TGFBI: variants seen among roughly 807,000 people sequenced by gnomAD.
The protein encoded by TGFBI is transforming growth factor-beta-induced protein ig-h3.
Under a neutral mutation model 73.7 loss-of-function variants are expected in TGFBI, and 50 were observed. The observed-to-expected ratio is 0.68, with a 90% CI of 0.54 to 0.86. TGFBI has a LOEUF of 0.86. TGFBI is among the 40% of genes least tolerant of loss of function. The pLI is 0.00. For synonymous variants in TGFBI, 362 were observed against 360.5 expected (o/e 1.00, Z -0.05); for missense variants, 839 against 877.0 (o/e 0.96, Z 0.55).
chr5:136,060,723 C>G, intron 13 of TGFBI, 111 bp from the exon 14 acceptor site: 1 of 805,312 alleles, frequency 1.2e-6, no homozygotes, highest in Non-Finnish European at 1.9e-6. Flanking sequence ...AAACAAAGAA[C>G]AAGGAAAAAA....
intron 1 of TGFBI, among the ~76,000 whole-genome samples, chr5:136,029,859 T>C (rs1369820255): frequency 1.3e-5 from 2 of 152,170 alleles, no homozygotes; most frequent in African/African-American, 4.8e-5. Flanking sequence ...AGTCCTGAAG[T>C]GTGCACTGGA....
chr5:136,044,186 T>G, intron 3 of TGFBI, 64 bp downstream of exon 3: 1 of 1,397,806 alleles, frequency 7.2e-7, no homozygotes, highest in Non-Finnish European at 1.0e-6. Flanking sequence ...GAGAGAGGAG[T>G]ACCCACATAA....
intron 13 of TGFBI, 69 bp from the exon 14 acceptor site, chr5:136,060,765 G>T: frequency 8.1e-7 from 1 of 1,234,360 alleles, no homozygotes; most frequent in Non-Finnish European, 1.1e-6. Context: ...CTTGCTGAAT[G>T]AATAAAATAA....
At chr5:136,047,571 TTC>T (rs1230416903) in intron 6 of TGFBI, 151 bp downstream of exon 6, 1 of 886,872 alleles carries the variant, frequency 1.1e-6, no homozygotes, top group Non-Finnish European at 1.7e-6. Flanking sequence ...ACATGGAGAA[TTC>T]ATTGACCAGA....
rs202239395 is a variant in TGFBI at position 136,049,562 on chromosome 5, G to T, written c.895G>T (p.Asp299Tyr). The T allele has an allele frequency of 6.2e-7, 1 of 1,613,650 alleles. No homozygotes were observed. Among genetic ancestry groups the T allele is most frequent in the South Asian group, 1.1e-5 (1 of 90,924 alleles). ...PSETLNRILG[D>Y]PEALRDLLNN... The stretch of plus-strand genomic sequence containing the variant: ...TGAGACTTTGAACCGTATCCTGGGC[G>T]ACCCAGAAGCCCTGAGAGGTGAGCA... Residue 299 changes from aspartate to tyrosine, a missense_variant, in exon 7 of 17, where the codon GAC becomes TAC. Asp to Tyr is a radical substitution (Grantham distance 160). Transcript: ENST00000442011.
Position 136,047,026 on chromosome 5 carries a change from C to T in TGFBI, c.624+11C>T. The stretch of plus-strand genomic sequence containing the variant: ...CACTATCCTAATGGGGTAGGGGATC[C>T]CCAGCCATACTGCATGGCCCTTGGT... On this transcript the variant is annotated intron_variant, in intron 5 of 16. Coordinates refer to ENST00000442011, the MANE Select transcript of TGFBI (RefSeq NM_000358.3). 1 of 1,609,958 alleles carries T rather than the reference C, an allele frequency of 6.2e-7. No individual in the cohort carries two copies. The highest frequency in any genetic ancestry group is 1.1e-5 in the South Asian group (1 of 90,908).
At chr5:136,060,102 C>T (rs138086684) in intron 13 of TGFBI, among the ~76,000 whole-genome samples, 39 of 148,588 alleles carry the variant, frequency 2.6e-4, no homozygotes, top group Admixed American at 8.0e-4. Context: ...ATGGAAAGAG[C>T]CTTTTGCCCA....
chr5:136,059,215 G>C lies in TGFBI; in HGVS notation c.1803+1G>C. On this transcript the variant is annotated splice_donor_variant, in intron 13 of 16. Coordinates refer to ENST00000442011, the MANE Select transcript of TGFBI (RefSeq NM_000358.3). LOFTEE classifies it high-confidence loss of function. ...AGGTGACAAGCTGGAAGTCAGCTTG[G>C]TAAGTGTCCTGCAAATCAAAGGCTG... 6.2e-7 allele frequency: 1 copy of C among 1,609,348 alleles called. No individual in the cohort carries two copies. Among genetic ancestry groups the C allele is most frequent in the Non-Finnish European group, 8.5e-7 (1 of 1,178,614 alleles).
chr5:136,049,028 C>A, intron 6 of TGFBI: 1 of 172,158 alleles, frequency 5.8e-6, no homozygotes, highest in South Asian at 1.6e-4. Flanking sequence ...GGCTGCAAGC[C>A]ATGAGTGTAG....
chr5:136,060,905 C>T lies in TGFBI; in HGVS notation c.1875C>T (p.Val625=). The T allele has an allele frequency of 6.3e-7, 1 of 1,592,252 alleles. No homozygotes were observed. Among genetic ancestry groups the T allele is most frequent in the Non-Finnish European group, 8.6e-7 (1 of 1,163,892 alleles). Residue 625 remains valine, a synonymous_variant, in exon 14 of 17, where the codon GTC becomes GTT. Coordinates refer to ENST00000442011, the MANE Select transcript of TGFBI (RefSeq NM_000358.3). ...EPDIMATNGV[V]HVITNVLQPP... ...ACATCATGGCCACAAATGGCGTGGT[C>T]CATGTCATCACCAATGTTCTGCAGC...
intron 2 of TGFBI, among the ~76,000 whole-genome samples, chr5:136,042,686 ATG>A (rs1751361200): frequency 1.3e-5 from 2 of 152,250 alleles, no homozygotes; most frequent in South Asian, 4.1e-4. Context: ...AAAAAAAAGA[ATG>A]TGCATAGCTT....
intron 7 of TGFBI, among the ~76,000 whole-genome samples, chr5:136,051,129 C>T (rs962322725): frequency 2.6e-5 from 4 of 152,174 alleles, no homozygotes; most frequent in Non-Finnish European, 1.5e-5. Flanking sequence ...ACATTCTTTG[C>T]TTTGGAGACC....
intron 2 of TGFBI, among the ~76,000 whole-genome samples, chr5:136,040,843 A>G (rs1429970207): frequency 6.6e-6 from 1 of 152,152 alleles, no homozygotes; most frequent in Non-Finnish European, 1.5e-5. Context: ...TCCTGGAGGA[A>G]TGGCATCAGA....
At chr5:136,041,128 C>T (rs1751330087) in intron 2 of TGFBI, among the ~76,000 whole-genome samples, 1 of 152,258 alleles carries the variant, frequency 6.6e-6, no homozygotes, top group Non-Finnish European at 1.5e-5. Flanking sequence ...TTGACACCTT[C>T]CCAGCCCACA....
At chr5:136,060,365 C>A (rs1409137371) in intron 13 of TGFBI, among the ~76,000 whole-genome samples, 1 of 152,226 alleles carries the variant, frequency 6.6e-6, no homozygotes, top group African/African-American at 2.4e-5. Context: ...AGGGCAGGGA[C>A]TGTTTCATTC....
In TGFBI at chr5:136,063,243, A is replaced by T; in HGVS notation, c.*17A>T. ...AAGCATTAGCTTGAAGCACTACAGG[A>T]GGAATGCACCACGGCAGCTCTCCGC... is the stretch of plus-strand genomic sequence containing the variant. On this transcript the variant is annotated 3_prime_UTR_variant, in exon 17 of 17. Coordinates refer to ENST00000442011, the MANE Select transcript of TGFBI (RefSeq NM_000358.3). 6.2e-7 allele frequency: 1 copy of T among 1,611,366 alleles called. No individual in the cohort carries two copies. The highest frequency in any genetic ancestry group is 8.5e-7 in the Non-Finnish European group (1 of 1,177,686).
intron 10 of TGFBI, 134 bp from the exon 11 acceptor site, chr5:136,055,546 G>A: frequency 2.7e-6 from 2 of 754,024 alleles, no homozygotes; most frequent in Non-Finnish European, 3.7e-6. Flanking sequence ...TTTTATCCCA[G>A]CCTTAATAAC....
chr5:136,036,174 CAGTG>C (rs1255172259), intron 2 of TGFBI, among the ~76,000 whole-genome samples: 1 of 152,154 alleles, frequency 6.6e-6, no homozygotes, highest in East Asian at 1.9e-4. Flanking sequence ...CTCCCTTACC[CAGTG>C]AGCACAAGGG....
intron 6 of TGFBI, 85 bp from the exon 7 acceptor site, chr5:136,049,354 G>C (rs1369400247): frequency 1.3e-6 from 2 of 1,528,674 alleles, no homozygotes; most frequent in Non-Finnish European, 1.8e-6. Flanking sequence ...GAGCCCTTGC[G>C]GGGAACCAGT....
Sources: gnomAD v4.1 joint callset for allele counts (sites outside exome capture counted in the v4.1 genomes callset) on GRCh38, gnomAD v4.1.1 for gene constraint, MANE v1.5 for transcripts, NCBI Gene and HGNC (gene_info 2026-07-23, HGNC 2026-07-21) for gene names.